AFG2A: variants seen among roughly 807,000 people sequenced by gnomAD.
The protein encoded by AFG2A is AAA ATPase AFG2A.
chr4:122,964,660 T>C, the AFG2A span, among the ~76,000 whole-genome samples: 126,465 of 152,086 alleles, frequency 0.83, 53,722 homozygotes, highest in East Asian at 0.96. Flanking sequence ...AGCCTTGGCT[T>C]AAGGTTCAGA....
chr4:122,961,533 T>G, the AFG2A span, among the ~76,000 whole-genome samples: 1 of 152,220 alleles, frequency 6.6e-6, no homozygotes, highest in Non-Finnish European at 1.5e-5. Flanking sequence ...AGACGGAGTC[T>G]TACGCTTTTT....
chr4:122,931,833 T>C, the AFG2A span, among the ~76,000 whole-genome samples: 5 of 152,226 alleles, frequency 3.3e-5, no homozygotes, highest in Non-Finnish European at 7.3e-5. Context: ...AATTTTTTGC[T>C]GCTCTTCCAT....
At chr4:123,228,493 G>A in the AFG2A span, among the ~76,000 whole-genome samples, 189 of 152,000 alleles carry the variant, frequency 1.2e-3, no homozygotes, top group Middle Eastern at 3.4e-3. Context: ...GCCATGCAAA[G>A]CAGAACACAA....
the AFG2A span, among the ~76,000 whole-genome samples, chr4:123,236,790 G>C: frequency 6.6e-6 from 1 of 152,146 alleles, no homozygotes; most frequent in Non-Finnish European, 1.5e-5. Context: ...TATTAAACAT[G>C]CAGGGTCTGA....
the AFG2A span, among the ~76,000 whole-genome samples, chr4:123,225,700 T>A: frequency 7.2e-5 from 11 of 152,232 alleles, no homozygotes; most frequent in African/African-American, 2.7e-4. Context: ...GTAGGCTCTT[T>A]TTTGGTTCCA....
the AFG2A span, chr4:122,947,575 C>T: frequency 7.6e-7 from 1 of 1,319,440 alleles, no homozygotes; most frequent in Non-Finnish European, 9.8e-7. Flanking sequence ...TTACAGATTT[C>T]TTAATGGAAG....
the AFG2A span, among the ~76,000 whole-genome samples, chr4:123,082,041 A>C: frequency 6.6e-6 from 1 of 151,584 alleles, no homozygotes; most frequent in Non-Finnish European, 1.5e-5. Flanking sequence ...TCTTTATCAC[A>C]TGTGTCTTTC....
chr4:123,300,538 G>A, the AFG2A span, among the ~76,000 whole-genome samples: 2 of 151,978 alleles, frequency 1.3e-5, no homozygotes, highest in Non-Finnish European at 2.9e-5. Flanking sequence ...TTGCAGATAA[G>A]GAAACAACTC....
the AFG2A span, among the ~76,000 whole-genome samples, chr4:123,155,672 C>G: frequency 1.3e-5 from 2 of 152,040 alleles, no homozygotes; most frequent in African/African-American, 4.8e-5. Flanking sequence ...TATAAGTAAT[C>G]TAGAAATGAT....
the AFG2A span, chr4:123,314,083 G>A: frequency 6.7e-7 from 1 of 1,483,896 alleles, no homozygotes; most frequent in Non-Finnish European, 9.0e-7. Context: ...ATATATTCAA[G>A]ATGCTGAAAA....
the AFG2A span, among the ~76,000 whole-genome samples, chr4:123,013,885 A>G: frequency 6.6e-6 from 1 of 152,228 alleles, no homozygotes; most frequent in Admixed American, 6.5e-5. Flanking sequence ...TCATACACAC[A>G]TATAGAAAAA....
chr4:123,223,664 C>T, the AFG2A span, among the ~76,000 whole-genome samples: 1 of 152,222 alleles, frequency 6.6e-6, no homozygotes, highest in South Asian at 2.1e-4. Context: ...ACATTCTCCC[C>T]CATGGTCCAA....
chr4:123,171,444 A>G, the AFG2A span, among the ~76,000 whole-genome samples: 1 of 152,310 alleles, frequency 6.6e-6, no homozygotes, highest in African/African-American at 2.4e-5. Context: ...AGGCAGAAGG[A>G]TAAGTACTAA....
the AFG2A span, among the ~76,000 whole-genome samples, chr4:123,157,475 C>T: frequency 6.6e-6 from 1 of 152,138 alleles, no homozygotes; most frequent in Admixed American, 6.6e-5. Context: ...TTGATTATTG[C>T]ATTCATGTTT....
chr4:123,008,660 A>G, the AFG2A span, among the ~76,000 whole-genome samples: 2 of 152,130 alleles, frequency 1.3e-5, no homozygotes, highest in African/African-American at 4.8e-5. Flanking sequence ...TTTTTAGGAA[A>G]AAAAAGCTTA....
the AFG2A span, among the ~76,000 whole-genome samples, chr4:122,930,616 TAC>T: frequency 6.6e-6 from 1 of 152,090 alleles, no homozygotes; most frequent in African/African-American, 2.4e-5. Context: ...CATGTATGTA[TAC>T]ACACACACAC....
the AFG2A span, among the ~76,000 whole-genome samples, chr4:123,076,958 C>CTG: frequency 9.2e-4 from 134 of 145,062 alleles, 1 homozygote; most frequent in African/African-American, 3.1e-3. Flanking sequence ...AAGCCCTGTG[C>CTG]TGTGTGTGTG....
the AFG2A span, among the ~76,000 whole-genome samples, chr4:122,948,904 A>G: frequency 1.3e-5 from 2 of 152,190 alleles, no homozygotes; most frequent in Non-Finnish European, 2.9e-5. Flanking sequence ...GGGGCCAGGT[A>G]TGTGGAGGAG....
chr4:123,274,998 G>C, the AFG2A span, among the ~76,000 whole-genome samples: 2 of 152,108 alleles, frequency 1.3e-5, no homozygotes, highest in Non-Finnish European at 2.9e-5. Flanking sequence ...TCACATCCAA[G>C]TGTGCTGGAA....
Sources: gnomAD v4.1 joint callset for allele counts (sites outside exome capture counted in the v4.1 genomes callset) on GRCh38, gnomAD v4.1.1 for gene constraint, MANE v1.5 for transcripts, NCBI Gene and HGNC (gene_info 2026-07-23, HGNC 2026-07-21) for gene names.